DLG1: variants seen among roughly 807,000 people sequenced by gnomAD.
DLG1 encodes the protein disks large homolog 1.
Under a neutral mutation model 123.4 loss-of-function variants are expected in DLG1, and 42 were observed. The observed-to-expected ratio is 0.34, with a 90% CI of 0.27 to 0.44. DLG1 has a LOEUF of 0.44. Among genes scored for constraint, DLG1 ranks in the 20% least tolerant of loss-of-function variants. The probability of loss-of-function intolerance (pLI) is 1.00; values close to 1 mark genes in which losing one functional copy is unlikely to be tolerated. For synonymous variants in DLG1, 317 were observed against 356.2 expected, an observed-to-expected ratio of 0.89 and a Z score of 1.24; for missense variants, 942 against 1,082.6, an observed-to-expected ratio of 0.87 and a Z score of 1.82.
At chr3:197,205,344 G>A (rs1002260772) in intron 4 of DLG1, among the ~76,000 whole-genome samples, 3 of 151,974 alleles carry the variant, frequency 2.0e-5, no homozygotes. Flanking sequence ...CCTCAGAAAT[G>A]ACAAAAAAAC....
chr3:197,181,997 G>C (rs986746132), intron 5 of DLG1, among the ~76,000 whole-genome samples: 2 of 152,086 alleles, frequency 1.3e-5, no homozygotes, highest in Admixed American at 1.3e-4. Context: ...TAACTCTGTG[G>C]TTTCAACACT....
intron 17 of DLG1, chr3:197,078,632 G>C (rs941314183): frequency 2.0e-5 from 3 of 152,120 alleles, no homozygotes; most frequent in African/African-American, 7.2e-5. Context: ...AAACTGTCAA[G>C]TAGCATTATT....
intron 5 of DLG1, among the ~76,000 whole-genome samples, chr3:197,190,728 C>T (rs577721120): frequency 3.3e-5 from 5 of 152,214 alleles, no homozygotes; most frequent in Non-Finnish European, 4.4e-5. Flanking sequence ...AGGGTTTTGT[C>T]GGCCGGGCGC....
intron 3 of DLG1, among the ~76,000 whole-genome samples, chr3:197,283,458 A>G (rs1374950055): frequency 1.3e-5 from 2 of 152,208 alleles, no homozygotes; most frequent in Non-Finnish European, 2.9e-5. Flanking sequence ...ATTTTATACT[A>G]CTTTAGAAAC....
At chr3:197,064,153 C>T (rs1737808592) in intron 22 of DLG1, among the ~76,000 whole-genome samples, 1 of 151,486 alleles carries the variant, frequency 6.6e-6, no homozygotes, top group African/African-American at 2.4e-5. Context: ...CTCCTGACCT[C>T]AGGTGATCTA....
chr3:197,169,193 CCTCA>C (rs750307326), intron 5 of DLG1, among the ~76,000 whole-genome samples: 99 of 152,312 alleles, frequency 6.5e-4, no homozygotes, highest in Non-Finnish European at 1.1e-3. Flanking sequence ...TACCGCCCTC[CCTCA>C]CTTTGATTCA....
chr3:197,293,369 A>G (rs1775852786), intron 3 of DLG1, among the ~76,000 whole-genome samples: 1 of 152,220 alleles, frequency 6.6e-6, no homozygotes, highest in African/African-American at 2.4e-5. Context: ...CAAAGATACT[A>G]CCAAGTATCT....
intron 4 of DLG1, among the ~76,000 whole-genome samples, chr3:197,244,651 A>C (rs979323240): frequency 6.6e-6 from 1 of 151,444 alleles, no homozygotes; most frequent in South Asian, 2.1e-4. Context: ...ATAGCGCATG[A>C]CTTTGAAGAT....
At chr3:197,182,547 A>C (rs1055862087) in intron 5 of DLG1, among the ~76,000 whole-genome samples, 12 of 152,218 alleles carry the variant, frequency 7.9e-5, no homozygotes, top group Non-Finnish European at 1.5e-4. Flanking sequence ...AGAACTGTTG[A>C]CAGTTATAGT....
intron 23 of DLG1, among the ~76,000 whole-genome samples, chr3:197,054,026 G>C (rs764044369): frequency 2.0e-5 from 3 of 148,368 alleles, no homozygotes; most frequent in Non-Finnish European, 4.5e-5. Flanking sequence ...AGGAAGTTAA[G>C]ACAGCAGTAA....
chr3:197,190,090 T>G (rs1400686687), intron 5 of DLG1, among the ~76,000 whole-genome samples: 1 of 152,184 alleles, frequency 6.6e-6, no homozygotes, highest in Admixed American at 6.5e-5. Context: ...AAAACTGACT[T>G]CTCATCTCTT....
chr3:197,127,457 AATATATATATATATAT>A (rs1553936527), intron 11 of DLG1, among the ~76,000 whole-genome samples: 72 of 20,824 alleles, frequency 3.5e-3, no homozygotes, highest in African/African-American at 9.0e-3. Context: ...AAAAAAAAAA[AATATATATATATATAT>A]ATATATATAT....
At chr3:197,276,764 A>G (rs1219396089) in intron 4 of DLG1, among the ~76,000 whole-genome samples, 1 of 152,190 alleles carries the variant, frequency 6.6e-6, no homozygotes, top group Non-Finnish European at 1.5e-5. Context: ...TTTGAAGTCA[A>G]AGTCCACAAA....
intron 14 of DLG1, among the ~76,000 whole-genome samples, chr3:197,095,003 G>A (rs1399536513): frequency 2.6e-5 from 4 of 152,020 alleles, no homozygotes; most frequent in Non-Finnish European, 1.5e-5. Context: ...TCTTGTCTAT[G>A]CATTTTCTAG....
intron 3 of DLG1, among the ~76,000 whole-genome samples, chr3:197,295,598 A>G (rs1294620339): frequency 6.6e-6 from 1 of 152,190 alleles, no homozygotes; most frequent in Non-Finnish European, 1.5e-5. Flanking sequence ...TGTTTTATAC[A>G]TAGGAGATTA....
intron 7 of DLG1, among the ~76,000 whole-genome samples, chr3:197,141,586 C>T (rs963346800): frequency 1.3e-5 from 2 of 152,052 alleles, no homozygotes; most frequent in Non-Finnish European, 2.9e-5. Flanking sequence ...ATCTAATTAT[C>T]TAGGATTTCA....
At chr3:197,189,296 G>C (rs879917266) in intron 5 of DLG1, among the ~76,000 whole-genome samples, 8 of 152,006 alleles carry the variant, frequency 5.3e-5, no homozygotes, top group Admixed American at 2.0e-4. Context: ...AATATATCAG[G>C]CAATATTATG....
At chr3:197,103,059 A>G (rs973475472) in intron 14 of DLG1, among the ~76,000 whole-genome samples, 7 of 152,208 alleles carry the variant, frequency 4.6e-5, no homozygotes, top group Admixed American at 3.9e-4. Flanking sequence ...ACCAAACCAC[A>G]TTATGAGTGA....
intron 4 of DLG1, among the ~76,000 whole-genome samples, chr3:197,211,876 G>A (rs2150405806): frequency 6.8e-6 from 1 of 146,766 alleles, no homozygotes; most frequent in Non-Finnish European, 1.5e-5. Context: ...TAAAAAAAAT[G>A]TGGTACATAT....
Sources: allele counts gnomAD v4.1 joint callset (sites outside exome capture counted in the v4.1 genomes callset), GRCh38; gene constraint gnomAD v4.1.1; transcripts MANE v1.5; gene names NCBI Gene and HGNC (gene_info 2026-07-23, HGNC 2026-07-21).